The following SMARCC2 variants were observed in gnomAD, a reference collection of about 807,000 sequenced individuals.
SMARCC2 encodes the protein SWI/SNF complex subunit SMARCC2.
In SMARCC2, 15 loss-of-function variants were observed where a neutral mutation model predicts 151.3. The observed-to-expected ratio is 0.10, with a 90% CI of 0.07 to 0.15. The LOEUF is 0.15. SMARCC2 is among the 10% of genes least tolerant of loss of function. The probability of loss-of-function intolerance (pLI) is 1.00; values close to 1 mark genes in which losing one functional copy is unlikely to be tolerated. For missense variants in SMARCC2, 1,031 were observed against 1,599.7 expected (o/e 0.64, Z 6.06); for synonymous variants, 590 against 609.5 (o/e 0.97, Z 0.47).
intron 15 of SMARCC2, 140 bp downstream of exon 15, chr12:56,177,882 G>A: frequency 1.6e-6 from 1 of 623,828 alleles, no homozygotes; most frequent in Non-Finnish European, 2.9e-6. Context: ...GGCAGATATT[G>A]TGCCTTTGTA....
intron 28 of SMARCC2, 55 bp downstream of exon 28, chr12:56,164,248 T>A: frequency 6.5e-7 from 1 of 1,527,214 alleles, no homozygotes; most frequent in Non-Finnish European, 9.0e-7. Context: ...CCGCTCACCC[T>A]CCCTCCAGGT....
At chr12:56,167,941 C>A in intron 26 of SMARCC2, 119 bp downstream of exon 26, 1 of 1,187,996 alleles carries the variant, frequency 8.4e-7, no homozygotes, top group South Asian at 1.4e-5. Flanking sequence ...GCTTATCTCT[C>A]TTTCACTGAA....
chr12:56,181,072 C>T lies in SMARCC2; in HGVS notation c.986G>A (p.Arg329His). Residue 329 changes from arginine (R) to histidine (H), a missense_variant, in exon 11 of 29, where the codon CGT (arginine) becomes CAT (histidine). By Grantham distance (29) the Arg-to-His change is conservative. This residue lies in a region of SMARCC2 where 127 missense variants were observed against 141.7 expected (regional missense o/e 0.90). Coordinates refer to ENST00000550164, the MANE Select transcript of SMARCC2 (RefSeq NM_001330288.2). Reference protein sequence around the residue: ...GPSTPYTKSKRGHREEEQEDL... With the variant: ...GPSTPYTKSKHGHREEEQEDL... The stretch of plus-strand genomic sequence containing the variant: ...TTCTTGCTCCTCTTCTCTGTGGCCA[C>T]GCTTTGACTTAGTGTAAGGTGTTGA... The T allele has an allele frequency of 1.9e-6, 3 of 1,613,720 alleles. No homozygotes were observed. Among genetic ancestry groups the T allele is most frequent in the Non-Finnish European group, 2.5e-6 (3 of 1,179,882 alleles).
chr12:56,166,737 G>A (rs1306909848), intron 26 of SMARCC2, among the ~76,000 whole-genome samples: 3 of 151,740 alleles, frequency 2.0e-5, no homozygotes, highest in African/African-American at 4.8e-5. Context: ...CCACAGGCTC[G>A]CACCACCACG....
intron 1 of SMARCC2, among the ~76,000 whole-genome samples, chr12:56,188,908 G>C (rs970358911): frequency 9.9e-5 from 15 of 151,972 alleles, no homozygotes; most frequent in Admixed American, 5.2e-4. Context: ...CTCTCTCTCT[G>C]AACATACACA....
At chr12:56,189,158 A>T (rs1877869546) in intron 1 of SMARCC2, among the ~76,000 whole-genome samples, 193 bp downstream of exon 1, 1 of 118,822 alleles carries the variant, frequency 8.4e-6, no homozygotes, top group Non-Finnish European at 1.7e-5. Flanking sequence ...GGCTGGGCTC[A>T]GAGGCTGGGG....
rs1223932866 is a variant in SMARCC2, at chr12:56,189,222, G to C, written c.111+129C>G. The C allele has an allele frequency of 3.3e-5, 13 of 399,208 alleles. No individual in the cohort carries two copies. In the South Asian group the frequency reaches 3.7e-4, roughly 11 times the overall value. The allele number at this position is 399,208 out of a possible 1,614,324, so 24.7% of individuals were successfully genotyped here. ...GCGCGGGAGCGCAGGAGGGCGCGCG[G>C]GGGGCTGCTTGGGAGGCCGCGGGGG... is the stretch of plus-strand genomic sequence containing the variant. On this transcript the variant is annotated intron_variant, in intron 1 of 28. Coordinates refer to ENST00000550164, the MANE Select transcript of SMARCC2 (RefSeq NM_001330288.2).
intron 14 of SMARCC2, 107 bp from the exon 15 acceptor site, chr12:56,178,200 G>A: frequency 2.9e-6 from 3 of 1,024,090 alleles, no homozygotes; most frequent in African/African-American, 1.6e-5. Flanking sequence ...GCTCGAAATT[G>A]CTGAAGTTAG....
intron 26 of SMARCC2, among the ~76,000 whole-genome samples, chr12:56,165,901 C>T (rs1872695658): frequency 6.6e-6 from 1 of 152,206 alleles, no homozygotes; most frequent in Non-Finnish European, 1.5e-5. Context: ...TCCTGAGTGC[C>T]CACATGGTTT....
Position 56,165,567 on chromosome 12 carries a change from CTGG to C in SMARCC2, c.2980_2982del (p.Pro994del). 1 of 1,613,294 alleles carries C rather than the reference CTGG, an allele frequency of 6.2e-7. No homozygotes were observed. The highest frequency in any genetic ancestry group is 8.5e-7 in the Non-Finnish European group (1 of 1,179,942). On this transcript the variant is annotated inframe_deletion, in exon 27 of 29. Transcript: ENST00000550164. ...ATAGGCTGGGAGCCTGGGGGCAGGG[CTGG>C]TGGTGGCTGCTGCTGCTGTTGGTGC... is the stretch of plus-strand genomic sequence containing the variant.
intron 2 of SMARCC2, 24 bp downstream of exon 2, chr12:56,187,163 C>T (rs1263133672): frequency 1.3e-6 from 2 of 1,598,832 alleles, no homozygotes; most frequent in Non-Finnish European, 8.6e-7. Context: ...CACCCCCCAC[C>T]CTCCCTGCTA....
At chr12:56,184,988 C>T in intron 4 of SMARCC2, 42 bp downstream of exon 4, 3 of 1,594,334 alleles carry the variant, frequency 1.9e-6, no homozygotes, top group Middle Eastern at 1.7e-4. Flanking sequence ...GTTTTAGATT[C>T]TCACTGAGGG....
intron 10 of SMARCC2, 106 bp downstream of exon 10, chr12:56,181,376 C>A: frequency 1.4e-6 from 1 of 728,060 alleles, no homozygotes; most frequent in Non-Finnish European, 2.3e-6. Context: ...TATTATGGCA[C>A]ACCCAGGTCA....
intron 15 of SMARCC2, among the ~76,000 whole-genome samples, chr12:56,176,379 A>G (rs1173580819): frequency 1.3e-5 from 2 of 152,260 alleles, no homozygotes; most frequent in African/African-American, 4.8e-5. Flanking sequence ...TTCAGTTCTC[A>G]GTCTCACCCA....
In SMARCC2 at chr12:56,162,683, T is replaced by C. The variant is rs78451485; in HGVS notation, c.*1006A>G. The C allele has an allele frequency of 4.4e-3, 955 of 217,396 alleles. 7 individuals carry two copies. The highest frequency in any genetic ancestry group is 3.9e-3 in the Non-Finnish European group (432 of 109,508). 13.5% of individuals were successfully genotyped at this position (217,396 alleles called of 1,614,324 possible). On this transcript the variant is annotated 3_prime_UTR_variant, in exon 29 of 29. Coordinates refer to ENST00000550164, the MANE Select transcript of SMARCC2 (RefSeq NM_001330288.2). ...CTGCTCCCAAATCCCTGCATCCTCATCTGGGGAGCCCCCAGCTATCAGCTG... is the reference window on the plus strand; with the variant it reads ...CTGCTCCCAAATCCCTGCATCCTCACCTGGGGAGCCCCCAGCTATCAGCTG...
At chr12:56,172,380 C>T in intron 20 of SMARCC2, 48 bp downstream of exon 20, 2 of 1,494,008 alleles carry the variant, frequency 1.3e-6, no homozygotes, top group Non-Finnish European at 1.8e-6. Flanking sequence ...CTACACGGAG[C>T]CCACTTCTGT....
chr12:56,184,807 T>C (rs769766427), intron 5 of SMARCC2, 37 bp downstream of exon 5: 1 of 1,220,422 alleles, frequency 8.2e-7, no homozygotes, highest in South Asian at 1.2e-5. Flanking sequence ...AAAACAGTCA[T>C]GGAGTTTCTG....
At position 56,162,575 on chromosome 12, in the gene SMARCC2, G is replaced by A; in HGVS notation, c.*1114C>T. On this transcript the variant is annotated 3_prime_UTR_variant, in exon 29 of 29. Transcript: ENST00000550164. ...CTTCCCGTCACAGGGGAGAAGCTGG[G>A]ACACGTGGAGCAGGAATGCGGGAAG... 1 of 460,498 alleles carries A rather than the reference G, an allele frequency of 2.2e-6. No individual in the cohort carries two copies. The highest frequency in any genetic ancestry group is 3.8e-6 in the Non-Finnish European group (1 of 260,960). 28.5% of individuals were successfully genotyped at this position (460,498 alleles called of 1,614,324 possible).
At chr12:56,166,227 C>T (rs889144153) in intron 26 of SMARCC2, among the ~76,000 whole-genome samples, 3 of 151,684 alleles carry the variant, frequency 2.0e-5, no homozygotes, top group Non-Finnish European at 2.9e-5. Context: ...CTGCAACCTC[C>T]GCCTCCCCGG....
Sources: gnomAD v4.1 joint callset for allele counts (sites outside exome capture counted in the v4.1 genomes callset) on GRCh38, gnomAD v4.1.1 for gene constraint, gnomAD v4.1.1 regional missense constraint, MANE v1.5 for transcripts, NCBI Gene and HGNC (gene_info 2026-07-23, HGNC 2026-07-21) for gene names.